The following MAN1B1 variants were observed in gnomAD, a reference collection of about 807,000 sequenced individuals.
MAN1B1 encodes the protein mannosidase alpha class 1B member 1.
A neutral mutation model predicts 75.5 loss-of-function variants in MAN1B1; 66 were observed. That is an observed-to-expected ratio of 0.87 (90% CI 0.72 to 1.07). The LOEUF (loss-of-function observed/expected upper bound fraction) is 1.07. Ranked by LOEUF, MAN1B1 falls within the 50% of genes least tolerant of loss-of-function variation. The pLI, the probability that MAN1B1 is intolerant of heterozygous loss-of-function variation, is 0.00. For synonymous variants in MAN1B1, 453 were observed against 382.8 expected, an observed-to-expected ratio of 1.18 and a Z score of -2.14; for missense variants, 973 against 912.5, an observed-to-expected ratio of 1.07 and a Z score of -0.85.
chr9:137,096,521 C>A, intron 4 of MAN1B1, 130 bp downstream of exon 4: 1 of 1,250,646 alleles, frequency 8.0e-7, no homozygotes, highest in Non-Finnish European at 1.1e-6. Context: ...TGTAATCTGT[C>A]CTCATTAACC....
rs186504463 is a variant in MAN1B1 at position 137,097,842 on chromosome 9, T to G, written c.635T>G (p.Val212Gly). 2.3e-3 allele frequency: 3,628 copies of G among 1,554,764 alleles called. 9 individuals are homozygous for G. Among genetic ancestry groups the G allele is most frequent in the Non-Finnish European group, 2.7e-3 (3,071 of 1,149,496 alleles). The change falls in exon 5 of 13, where the codon GTG becomes GGG. Residue 212 changes from valine to glycine, a missense_variant. Physicochemically the swap from Val to Gly is moderately radical, Grantham distance 109. Coordinates refer to ENST00000371589, the MANE Select transcript of MAN1B1 (RefSeq NM_016219.5). ...QRTVISWRGA[V>G]IEPEQGTELP... ...CTCCCCCGAAGCTGGAGGGGAGCGGTGATCGAGCCTGAGCAGGGCACCGAG... is the reference window on the plus strand; with the variant it reads ...CTCCCCCGAAGCTGGAGGGGAGCGGGGATCGAGCCTGAGCAGGGCACCGAG...
chr9:137,104,163 G>C, intron 8 of MAN1B1: 3 of 431,456 alleles, frequency 7.0e-6, no homozygotes, highest in Non-Finnish European at 1.4e-5. Context: ...GAAAAACACT[G>C]TTCAGGTTTT....
At chr9:137,104,316 A>G (rs933389095) in intron 8 of MAN1B1, 1 of 322,852 alleles carries the variant, frequency 3.1e-6, no homozygotes, top group South Asian at 2.6e-5. Context: ...GCTCACTGCA[A>G]CCTCCACTCC....
rs1397978876 is a variant in MAN1B1 at position 137,103,700 on chromosome 9, T to C, written c.1254+2028T>C. ...GGTGGTGTTACACACATTCACACTG[T>C]TGCAGGCGTGCAGGTCCGTGGTGTT... is the stretch of plus-strand genomic sequence containing the variant. On this transcript the variant is annotated intron_variant, in intron 8 of 12. Coordinates refer to ENST00000371589, the MANE Select transcript of MAN1B1 (RefSeq NM_016219.5). The C allele has an allele frequency of 1.4e-5, 6 of 423,906 alleles. No homozygotes were observed. The East Asian group carries it at 4.8e-4, about 34-fold the overall frequency. 26.3% of individuals were successfully genotyped at this position (423,906 alleles called of 1,614,324 possible). A position where few individuals can be genotyped will look rare whatever the true frequency, so the allele number is the denominator to read the frequency against.
At chr9:137,088,655 G>A (rs968216466) in intron 2 of MAN1B1, 8 of 699,414 alleles carry the variant, frequency 1.1e-5, no homozygotes, top group Non-Finnish European at 1.7e-5. Flanking sequence ...GGCAAAAGAT[G>A]TGGGGTTCTG....
rs187850244 is a variant in MAN1B1, at chr9:137,106,705, G to A, written c.1462G>A (p.Val488Met). 365 of 1,613,512 alleles carry A rather than the reference G, an allele frequency of 2.3e-4. No individual in the cohort carries two copies. Among genetic ancestry groups the A allele is most frequent in the African/African-American group, 1.2e-4 (9 of 75,060 alleles). ...TGTCCACAGGCTGCTGGAAGACTAC[G>A]TGGAAGCCATCGAGGGTGTCAGAAC... ...KQETQLLEDY[V>M]EAIEGVRTHL... is the part of the protein sequence containing the mutation. Residue 488 changes from valine to methionine, a missense_variant, in exon 10 of 13, where the codon GTG becomes ATG. Coordinates refer to ENST00000371589, the MANE Select transcript of MAN1B1 (RefSeq NM_016219.5).
chr9:137,107,669 A>G lies in MAN1B1; in HGVS notation c.1896+7A>G, dbSNP rs143544706. 932 of 1,609,596 alleles carry G rather than the reference A, an allele frequency of 5.8e-4. 4 individuals are homozygous for G. The African/African-American group carries it at 0.011, about 20-fold the overall frequency. ...CTTCAGCCGATTCACACGGGTGAGCACCTGTCCTCGCCCCGCGTGGTCACG... is the reference window on the plus strand; with the variant it reads ...CTTCAGCCGATTCACACGGGTGAGCGCCTGTCCTCGCCCCGCGTGGTCACG... On this transcript the variant is annotated splice_region_variant and intron_variant, in intron 12 of 12. Transcript: ENST00000371589.
chr9:137,107,256 C>G lies in MAN1B1; in HGVS notation c.1573C>G (p.Leu525Val). 6.2e-7 allele frequency: 1 copy of G among 1,612,900 alleles called. No individual in the cohort carries two copies. The highest frequency in any genetic ancestry group is 8.5e-7 in the Non-Finnish European group (1 of 1,179,914). The change falls in exon 11 of 13, where the codon CTG (leucine) becomes GTG (valine). Residue 525 changes from leucine to valine, a missense_variant. Leu to Val is a conservative substitution (Grantham distance 32, BLOSUM62 1). Coordinates refer to ENST00000371589, the MANE Select transcript of MAN1B1 (RefSeq NM_016219.5). Reference sequence around the variant, plus strand: ...AGAGACCCTCTGATTCCAGGACCACCTGGTGTGCTTCCTGCCAGGGACGCT... The same window carrying G: ...AGAGACCCTCTGATTCCAGGACCACGTGGTGTGCTTCCTGCCAGGGACGCT... ...HGRFSAKMDHLVCFLPGTLAL... is the reference protein window; with the variant it reads ...HGRFSAKMDHVVCFLPGTLAL...
intron 9 of MAN1B1, 51 bp downstream of exon 9, chr9:137,106,366 G>GC: frequency 2.0e-6 from 3 of 1,482,976 alleles, no homozygotes; most frequent in Non-Finnish European, 1.8e-6. Flanking sequence ...CGTTCCCGCA[G>GC]CCCCCCACTC....
rs1039876500 is a variant in MAN1B1, at chr9:137,096,167, G to A, written c.466-70G>A. 57 of 1,530,236 alleles carry A rather than the reference G, an allele frequency of 3.7e-5. No individual in the cohort carries two copies. The Admixed American group carries it at 5.9e-4, about 16-fold the overall frequency. 94.8% of individuals were successfully genotyped at this position (1,530,236 alleles called of 1,614,324 possible). A position where few individuals can be genotyped will look rare whatever the true frequency, so the allele number is the denominator to read the frequency against. On this transcript the variant is annotated intron_variant, in intron 3 of 12. Coordinates refer to ENST00000371589, the MANE Select transcript of MAN1B1 (RefSeq NM_016219.5). ...TGAGGTGTGGGCTGCACCTGAGGGCGTCCCATAGAGGGAAAGAAGGGCAGC... is the reference window on the plus strand; with the variant it reads ...TGAGGTGTGGGCTGCACCTGAGGGCATCCCATAGAGGGAAAGAAGGGCAGC...
intron 1 of MAN1B1, 182 bp downstream of exon 1, chr9:137,087,400 C>T (rs970265581): frequency 2.1e-5 from 17 of 808,846 alleles, no homozygotes; most frequent in Admixed American, 6.2e-5. Flanking sequence ...GGCGGCTCGC[C>T]TGCAGCGGTC....
chr9:137,108,335 AGGG>A, intron 12 of MAN1B1, 50 bp from the exon 13 acceptor site: 2 of 1,447,994 alleles, frequency 1.4e-6, no homozygotes, highest in Non-Finnish European at 1.9e-6. Flanking sequence ...GATGAGGCTG[AGGG>A]GGGTGCAGGG....
chr9:137,088,224 AG>A (rs1298605257), intron 2 of MAN1B1, 41 bp downstream of exon 2: 1 of 1,614,016 alleles, frequency 6.2e-7, no homozygotes, highest in Admixed American at 1.7e-5. Context: ...ATCTGTGTTG[AG>A]GGTTGATTGG....
chr9:137,096,506 T>G, intron 4 of MAN1B1, 115 bp downstream of exon 4: 1 of 1,365,130 alleles, frequency 7.3e-7, no homozygotes, highest in Non-Finnish European at 1.0e-6. Flanking sequence ...TGACAGTGTA[T>G]GCTCTGTAAT....
In MAN1B1 at chr9:137,108,847, C is replaced by CA. The variant is rs1466581961; in HGVS notation, c.*257dup. ...CCTCCAGAAGACACGAATCATGACT[C>CA]ACGATTGCTGAAGCCTGAGCAGGTC... On this transcript the variant is annotated 3_prime_UTR_variant, in exon 13 of 13. Transcript: ENST00000371589. 6 of 645,654 alleles carry CA rather than the reference C, an allele frequency of 9.3e-6. No homozygotes were observed. Among genetic ancestry groups the CA allele is most frequent in the South Asian group, 6.0e-5 (4 of 66,292 alleles). 40.0% of individuals were successfully genotyped at this position (645,654 alleles called of 1,614,324 possible). A position where few individuals can be genotyped will look rare whatever the true frequency, so the allele number is the denominator to read the frequency against.
chr9:137,108,966 A>AAGCCTC lies in MAN1B1; in HGVS notation c.*378_*383dup. 2.1e-6 allele frequency: 1 copy of AAGCCTC among 471,374 alleles called. No homozygotes were observed. Among genetic ancestry groups the AAGCCTC allele is most frequent in the South Asian group, 1.5e-5 (1 of 64,674 alleles). The allele number at this position is 471,374 out of a possible 1,614,324, so 29.2% of individuals were successfully genotyped here. On this transcript the variant is annotated 3_prime_UTR_variant, in exon 13 of 13. Transcript: ENST00000371589. The stretch of plus-strand genomic sequence containing the variant: ...GGGTGCAGCTCTGCCCGGGCTCGTG[A>AAGCCTC]AGCCTCAGATGTCCCCAATCCAAGG...
At position 137,088,929 on chromosome 9, in the gene MAN1B1, C is replaced by T. The variant is rs1210293120; in HGVS notation, c.389C>T (p.Pro130Leu). Reference sequence around the variant, plus strand: ...AGGCCAGAAATTGCTGGGTTAAAACCAGCAAATCCACCCGTCTTACCAGCT... The same window carrying T: ...AGGCCAGAAATTGCTGGGTTAAAACTAGCAAATCCACCCGTCTTACCAGCT... ...KMRPEIAGLK[P>L]ANPPVLPAPQ... Residue 130 changes from proline to leucine, a missense_variant, in exon 3 of 13, where the codon CCA (proline) becomes CTA (leucine). Pro to Leu is a moderately conservative substitution (Grantham distance 98). Transcript: ENST00000371589. 1.2e-6 allele frequency: 2 copies of T among 1,613,834 alleles called. No individual in the cohort carries two copies. Among genetic ancestry groups the T allele is most frequent in the African/African-American group, 2.7e-5 (2 of 74,918 alleles).
chr9:137,107,077 T>A, intron 10 of MAN1B1, 173 bp from the exon 11 acceptor site: 1 of 784,190 alleles, frequency 1.3e-6, no homozygotes, highest in East Asian at 2.7e-5. Flanking sequence ...GGGGCCGGGT[T>A]GGAGGGCCTG....
At position 137,088,088 on chromosome 9, in the gene MAN1B1, TGTC is replaced by T; in HGVS notation, c.235_237del (p.Ser79del). On this transcript the variant is annotated inframe_deletion, in exon 2 of 13. Coordinates refer to ENST00000371589, the MANE Select transcript of MAN1B1 (RefSeq NM_016219.5). Reference sequence around the variant, plus strand: ...TACCTCCCTTAGAAATGGAAGCAACTGTCGAGATTGCAGCGGAATATGATTCTC... The same window carrying T: ...TACCTCCCTTAGAAATGGAAGCAACTGAGATTGCAGCGGAATATGATTCTC... The T allele has an allele frequency of 6.2e-7, 1 of 1,614,080 alleles. No homozygotes were observed.
Sources: allele counts gnomAD v4.1 joint callset, GRCh38; gene constraint gnomAD v4.1.1; transcripts MANE v1.5; gene names NCBI Gene and HGNC (gene_info 2026-07-23, HGNC 2026-07-21).